Variants in ATAD2 observed in about 807,000 individuals in gnomAD.
ATAD2 encodes the protein ATPase family AAA domain-containing protein 2.
ATAD2 carries 62 observed loss-of-function variants against 168.9 expected under a neutral mutation model. The ratio of observed to expected loss-of-function variants is 0.37; its 90% CI spans 0.30 to 0.45. ATAD2 has a LOEUF of 0.45. ATAD2 is among the 20% of genes least tolerant of loss of function. ATAD2 has a pLI of 1.00. For synonymous variants in ATAD2, 613 were observed against 571.6 expected (o/e 1.07, Z -1.03); for missense variants, 1,419 against 1,667.8 (o/e 0.85, Z 2.60).
chr8:123,410,487 A>G (rs1215057200), intron 1 of ATAD2, among the ~76,000 whole-genome samples: 1 of 152,116 alleles, frequency 6.6e-6, no homozygotes, highest in Non-Finnish European at 1.5e-5. Context: ...GGGTTTCTCC[A>G]TGTTGGTCAG....
rs1440978945 is a variant in ATAD2 at position 123,321,154 on chromosome 8, T to C, written c.4153A>G (p.Asn1385Asp). ...CATCATCATCTGGAACAACTGAAGTTTTCTACCTCTTGCTCCATTTTCTAG... is the reference window on the plus strand; with the variant it reads ...CATCATCATCTGGAACAACTGAAGTCTTCTACCTCTTGCTCCATTTTCTAG... ...LIQKMEQEVENFSCSR is the reference protein window; with the variant it reads ...LIQKMEQEVEDFSCSR Residue 1385 changes from asparagine to aspartate, a missense_variant, in exon 28 of 28, where the codon AAC becomes GAC. Asn to Asp is a conservative substitution (Grantham distance 23, BLOSUM62 1). This residue lies in a region of ATAD2 where 303 missense variants were observed against 304.3 expected (regional missense o/e 1.00). Transcript: ENST00000287394. The C allele has an allele frequency of 6.2e-7, 1 of 1,609,738 alleles. No individual in the cohort carries two copies. The highest frequency in any genetic ancestry group is 8.5e-7 in the Non-Finnish European group (1 of 1,178,954).
intron 1 of ATAD2, among the ~76,000 whole-genome samples, chr8:123,405,260 C>CT (rs34575964): frequency 0.32 from 46,108 of 143,102 alleles, 7,711 homozygotes; most frequent in South Asian, 0.45. Flanking sequence ...TTCTTTCTTT[C>CT]TTTTTTTTTT....
chr8:123,372,757 T>A, intron 2 of ATAD2, 71 bp from the exon 3 acceptor site: 1 of 1,287,002 alleles, frequency 7.8e-7, no homozygotes, highest in Non-Finnish European at 1.1e-6. Context: ...TAGATGGGAT[T>A]GCACTCCATC....
chr8:123,348,729 GA>G (rs1828341068), intron 14 of ATAD2, among the ~76,000 whole-genome samples: 1 of 152,024 alleles, frequency 6.6e-6, no homozygotes, highest in Non-Finnish European at 1.5e-5. Context: ...GTGAAAATAA[GA>G]AAAAGGATGT....
At chr8:123,394,243 G>A (rs1339187906) in intron 1 of ATAD2, among the ~76,000 whole-genome samples, 1 of 152,132 alleles carries the variant, frequency 6.6e-6, no homozygotes, top group Non-Finnish European at 1.5e-5. Context: ...AATGTGGTGG[G>A]TATCATCCCA....
At position 123,371,705 on chromosome 8, in the gene ATAD2, T is replaced by G; in HGVS notation, c.501A>C (p.Val167=). The G allele has an allele frequency of 6.2e-7, 1 of 1,612,522 alleles. No individual in the cohort carries two copies. The highest frequency in any genetic ancestry group is 8.5e-7 in the Non-Finnish European group (1 of 1,179,518). Residue 167 remains valine (V), a synonymous_variant, in exon 4 of 28, where the codon GTA becomes GTC. Coordinates refer to ENST00000287394, the MANE Select transcript of ATAD2 (RefSeq NM_014109.4). The part of the protein sequence containing the change: ...SCRIRSRYSG[V]NQSMLFDKLI... ...GTTTGTCAAACAGCATGGACTGGTT[T>G]ACACCACTATAACGACTTCTAATCC...
chr8:123,410,381 G>C (rs1417501930), intron 1 of ATAD2, among the ~76,000 whole-genome samples: 1 of 152,134 alleles, frequency 6.6e-6, no homozygotes, highest in Non-Finnish European at 1.5e-5. Flanking sequence ...CCACCTCCCA[G>C]GTTCAAGCGA....
chr8:123,394,918 G>A (rs1382676425), intron 1 of ATAD2, among the ~76,000 whole-genome samples: 6 of 152,210 alleles, frequency 3.9e-5, no homozygotes, highest in African/African-American at 1.4e-4. Flanking sequence ...TGAAGGGAGT[G>A]TAGTTTTTAA....
upstream of ATAD2, chr8:123,396,471 G>C (rs1812839257): frequency 1.7e-5 from 21 of 1,201,182 alleles, no homozygotes; most frequent in Non-Finnish European, 2.2e-5. Flanking sequence ...CCGCGCCAGC[G>C]GCCGCAGCGC....
chr8:123,349,203 T>C, intron 14 of ATAD2, 82 bp downstream of exon 14: 1 of 1,400,012 alleles, frequency 7.1e-7, no homozygotes, highest in Non-Finnish European at 9.6e-7. Flanking sequence ...CTCAAGAATC[T>C]CCAAATTTTT....
rs548853035 is a variant in ATAD2, at chr8:123,337,961, T to C, written c.2855-140A>G. Reference sequence around the variant, plus strand: ...AATCCAAAGATTTGAAATACAAAAGTATTACCATAATCTCTAACCCTACGT... The same window carrying C: ...AATCCAAAGATTTGAAATACAAAAGCATTACCATAATCTCTAACCCTACGT... On this transcript the variant is annotated intron_variant, in intron 20 of 27. Coordinates refer to ENST00000287394, the MANE Select transcript of ATAD2 (RefSeq NM_014109.4). 4.9e-6 allele frequency: 4 copies of C among 810,818 alleles called. No homozygotes were observed. The African/African-American group carries it at 7.0e-5, about 14-fold the overall frequency. 50.2% of individuals were successfully genotyped at this position (810,818 alleles called of 1,614,324 possible). A position where few individuals can be genotyped will look rare whatever the true frequency, so the allele number is the denominator to read the frequency against.
chr8:123,358,835 A>G (rs1041131570), intron 11 of ATAD2, among the ~76,000 whole-genome samples: 10 of 147,840 alleles, frequency 6.8e-5, no homozygotes, highest in African/African-American at 2.5e-4. Flanking sequence ...GGGTTCAAGC[A>G]ATTGTGCCTC....
Position 123,321,083 on chromosome 8 carries a change from A to T in ATAD2, c.*51T>A, listed in dbSNP as rs766157263. On this transcript the variant is annotated 3_prime_UTR_variant, in exon 28 of 28. Transcript: ENST00000287394. ...ACATCAATTAGGCGGACATGACAAA[A>T]ATGACTTAAATAGGAACTGAATATA... The T allele has an allele frequency of 8.4e-6, 13 of 1,547,386 alleles. No individual in the cohort carries two copies. Among genetic ancestry groups the T allele is most frequent in the Non-Finnish European group, 1.1e-5 (12 of 1,129,998 alleles).
At chr8:123,400,932 G>A, upstream of ATAD2, 1 of 1,400,790 alleles carries the variant, frequency 7.1e-7, no homozygotes, top group Non-Finnish European at 1.0e-6. This position sits in a 1 kb window ranked among gnomAD's most constrained non-coding sequence, Gnocchi z 4.5. Context: ...CGGACCCCAT[G>A]GTGCTGAGCC....
At chr8:123,338,626 G>A (rs1827984402) in intron 20 of ATAD2, among the ~76,000 whole-genome samples, 1 of 152,200 alleles carries the variant, frequency 6.6e-6, no homozygotes, top group Non-Finnish European at 1.5e-5. Context: ...TCATTGTGAT[G>A]CCATATTAGT....
At chr8:123,383,822 G>A (rs1251376981) in intron 1 of ATAD2, among the ~76,000 whole-genome samples, 2 of 151,528 alleles carry the variant, frequency 1.3e-5, no homozygotes, top group African/African-American at 2.4e-5. Flanking sequence ...GGTAGCTCAC[G>A]CCTGTAATCC....
At chr8:123,373,225 C>CGGG (rs369495632) in intron 2 of ATAD2, among the ~76,000 whole-genome samples, 3 of 149,444 alleles carry the variant, frequency 2.0e-5, no homozygotes, top group African/African-American at 7.4e-5. Context: ...AGAGATGGGG[C>CGGG]GGGGGGGGTC....
intron 26 of ATAD2, 87 bp from the exon 27 acceptor site, chr8:123,323,153 C>T: frequency 7.2e-7 from 1 of 1,395,738 alleles, no homozygotes; most frequent in South Asian, 1.4e-5. Context: ...GCAATTATTA[C>T]AAGCCTGACA....
At chr8:123,364,641 G>C (rs1422141892) in intron 8 of ATAD2, among the ~76,000 whole-genome samples, 1 of 152,058 alleles carries the variant, frequency 6.6e-6, no homozygotes, top group East Asian at 1.9e-4. Flanking sequence ...CAATAAATGT[G>C]ATACACCACA....
Sources: gnomAD v4.1 joint callset for allele counts (sites outside exome capture counted in the v4.1 genomes callset) on GRCh38, gnomAD v4.1.1 for gene constraint, gnomAD v4.1.1 regional missense constraint, Gnocchi (gnomAD v3.1) non-coding constraint, MANE v1.5 for transcripts, NCBI Gene and HGNC (gene_info 2026-07-23, HGNC 2026-07-21) for gene names.